The following BRD4 variants were observed in gnomAD, a reference collection of about 807,000 sequenced individuals.
BRD4 encodes the protein bromodomain-containing protein 4.
Under a neutral mutation model 142.1 loss-of-function variants are expected in BRD4, and 16 were observed. The ratio of observed to expected loss-of-function variants is 0.11; its 90% CI spans 0.08 to 0.17. The LOEUF (loss-of-function observed/expected upper bound fraction) is 0.17. Ranked by LOEUF, BRD4 falls within the 10% of genes least tolerant of loss-of-function variation. The probability of loss-of-function intolerance (pLI) is 1.00; values close to 1 mark genes in which losing one functional copy is unlikely to be tolerated. For missense variants in BRD4, 1,424 were observed against 1,810.9 expected, an observed-to-expected ratio of 0.79 and a Z score of 3.88; for synonymous variants, 833 against 707.5, an observed-to-expected ratio of 1.18 and a Z score of -2.82.
rs887402513 is a variant in BRD4 at position 15,264,692 on chromosome 19, C to T, written c.924G>A (p.Ser308=). 4 of 1,613,312 alleles carry T rather than the reference C, an allele frequency of 2.5e-6. No individual in the cohort carries two copies. Among genetic ancestry groups the T allele is most frequent in the African/African-American group, 1.3e-5 (1 of 75,004 alleles). ...TTIDPIHEPP[S]LPPEPKTTKL... ...TGGTGGTCTTGGGCTCCGGGGGCAG[C>T]GAGGGTGGCTCGTGAATGGGGTCAA... Residue 308 remains serine (S), a synonymous_variant, in exon 6 of 20, where the codon TCG becomes TCA. Transcript: ENST00000679869.
At position 15,265,482 on chromosome 19, in the gene BRD4, C is replaced by G; in HGVS notation, c.721G>C (p.Val241Leu). 1 of 1,608,308 alleles carries G rather than the reference C, an allele frequency of 6.2e-7. No homozygotes were observed. The highest frequency in any genetic ancestry group is 2.2e-5 in the East Asian group (1 of 44,806). ...GTCTGCAGTGGCTGGGGAGGCACCA[C>G]TGTCATGACAGGGGTCTGGACGATG... ...DLIVQTPVMT[V>L]VPPQPLQTPP... Residue 241 changes from valine (V) to leucine (L), a missense_variant, in exon 5 of 20, where the codon GTG becomes CTG. This residue lies in a region of BRD4 where 140 missense variants were observed against 131.7 expected (regional missense o/e 1.06). Coordinates refer to ENST00000679869, the MANE Select transcript of BRD4 (RefSeq NM_001379291.1).
In BRD4 at chr19:15,331,537, G is replaced by A. The variant is rs1316166636; in HGVS notation, c.-35+753C>T. Among the ~76,000 whole-genome samples, 5 of 152,330 alleles carry A rather than the reference G, an allele frequency of 3.3e-5. No individual in the cohort carries two copies. The East Asian group carries it at 9.7e-4, about 29-fold the overall frequency. On this transcript the variant is annotated intron_variant, in intron 1 of 19. Coordinates refer to ENST00000679869, the MANE Select transcript of BRD4 (RefSeq NM_001379291.1). Reference sequence around the variant, plus strand: ...AGGCTGAGAGTGGGTGCGTCAAGCGGGCCAAGCTCGCCTCCAGGGCACCGC... The same window carrying A: ...AGGCTGAGAGTGGGTGCGTCAAGCGAGCCAAGCTCGCCTCCAGGGCACCGC...
intron 1 of BRD4, among the ~76,000 whole-genome samples, chr19:15,293,506 T>C (rs2047800088): frequency 6.6e-6 from 1 of 152,096 alleles, no homozygotes; most frequent in Non-Finnish European, 1.5e-5. Flanking sequence ...CAGCCAAAAA[T>C]TTAACCGCCA....
chr19:15,249,101 C>T (rs1204282132), intron 11 of BRD4: 3 of 1,001,410 alleles, frequency 3.0e-6, no homozygotes, highest in Non-Finnish European at 4.4e-6. Flanking sequence ...GAAGGCGGGA[C>T]TAGGCGTGTG....
chr19:15,262,603 G>C (rs1042589638), intron 7 of BRD4, among the ~76,000 whole-genome samples: 11 of 151,216 alleles, frequency 7.3e-5, no homozygotes, highest in African/African-American at 1.9e-4. Context: ...CAAGCCTGTA[G>C]TCCTAGATAC....
intron 7 of BRD4, 63 bp downstream of exon 7, chr19:15,263,357 G>C (rs1012060724): frequency 6.4e-7 from 1 of 1,569,894 alleles, no homozygotes; most frequent in Non-Finnish European, 8.7e-7. Context: ...GCCCACAGAA[G>C]TCTGCTCCCA....
chr19:15,287,364 T>C (rs1205897052), intron 1 of BRD4, among the ~76,000 whole-genome samples: 1 of 152,214 alleles, frequency 6.6e-6, no homozygotes, highest in African/African-American at 2.4e-5. Context: ...ATTAAGTGCA[T>C]TCACGCTACT....
chr19:15,318,506 T>A (rs567895951), intron 1 of BRD4, among the ~76,000 whole-genome samples: 57 of 152,304 alleles, frequency 3.7e-4, no homozygotes, highest in African/African-American at 1.3e-3. Context: ...TCCCTAAACG[T>A]AAGCATGTCA....
chr19:15,243,101 G>A lies in BRD4; in HGVS notation c.2968C>T (p.His990Tyr). Residue 990 changes from histidine to tyrosine, a missense_variant, in exon 14 of 20, where the codon CAT becomes TAT. His to Tyr is a moderately conservative substitution (Grantham distance 83, BLOSUM62 2). This residue lies in a region of BRD4 where 598 missense variants were observed against 647.8 expected (regional missense o/e 0.92). Coordinates refer to ENST00000679869, the MANE Select transcript of BRD4 (RefSeq NM_001379291.1). ...PQPQPPPQQQ[H>Y]QPPPRPVHLQ... ...TGCACGGGCCGTGGAGGGGGCTGAT[G>A]CTGCTGCTGGGGTGGAGGCTGGGGC... 2.0e-6 allele frequency: 3 copies of A among 1,483,578 alleles called. No homozygotes were observed. The highest frequency in any genetic ancestry group is 2.7e-6 in the Non-Finnish European group (3 of 1,118,810). The allele number at this position is 1,483,578 out of a possible 1,614,324, so 91.9% of individuals were successfully genotyped here. A position where few individuals can be genotyped will look rare whatever the true frequency, so the allele number is the denominator to read the frequency against.
At chr19:15,291,033 C>A (rs2047778104) in intron 1 of BRD4, among the ~76,000 whole-genome samples, 1 of 152,054 alleles carries the variant, frequency 6.6e-6, no homozygotes, top group Non-Finnish European at 1.5e-5. Flanking sequence ...CCTGCAAAAC[C>A]CCCAAGTCAA....
At position 15,240,011 on chromosome 19, in the gene BRD4, C is replaced by T. The variant is rs200902225; in HGVS notation, c.3181G>A (p.Glu1061Lys). Residue 1061 changes from glutamate (E) to lysine (K), a missense_variant, in exon 15 of 20, where the codon GAA becomes AAA. This residue lies in a region of BRD4 where 598 missense variants were observed against 647.8 expected (regional missense o/e 0.92). Coordinates refer to ENST00000679869, the MANE Select transcript of BRD4 (RefSeq NM_001379291.1). ...TGTATCATAAGCGGGGAGGGGGCTTCGCGGAGGTGACCTAGGAGAAGGGAC... is the reference window on the plus strand; with the variant it reads ...TGTATCATAAGCGGGGAGGGGGCTTTGCGGAGGTGACCTAGGAGAAGGGAC... Reference protein sequence around the residue: ...SDPYSTGHLREAPSPLMIHSP... With the variant: ...SDPYSTGHLRKAPSPLMIHSP... 8.7e-6 allele frequency: 14 copies of T among 1,611,186 alleles called. No homozygotes were observed. Among genetic ancestry groups the T allele is most frequent in the East Asian group, 2.2e-5 (1 of 44,858 alleles).
chr19:15,285,372 G>GT (rs1307683021), intron 1 of BRD4, among the ~76,000 whole-genome samples: 8 of 152,136 alleles, frequency 5.3e-5, no homozygotes, highest in Non-Finnish European at 1.0e-4. Context: ...TGGCAAAACC[G>GT]TGTCTCTACC....
intron 8 of BRD4, among the ~76,000 whole-genome samples, chr19:15,256,525 C>T (rs538030683): frequency 1.3e-5 from 2 of 152,330 alleles, no homozygotes; most frequent in South Asian, 4.1e-4. Flanking sequence ...ATCAAGCCGA[C>T]AGACACCAAG....
At position 15,237,524 on chromosome 19, in the gene BRD4, G is replaced by A. The variant is rs1568375009; in HGVS notation, c.*853C>T. ...CGCGGTGGCAGCCGCTGCTCAATGA[G>A]GAGACGATCACACCATTTCGGAGAT... is the stretch of plus-strand genomic sequence containing the variant. On this transcript the variant is annotated 3_prime_UTR_variant, in exon 20 of 20. Coordinates refer to ENST00000679869, the MANE Select transcript of BRD4 (RefSeq NM_001379291.1). The A allele has an allele frequency of 8.8e-6, 2 of 226,114 alleles. No homozygotes were observed. The highest frequency in any genetic ancestry group is 2.2e-5 in the African/African-American group (1 of 44,736). 14.0% of individuals were successfully genotyped at this position (226,114 alleles called of 1,614,324 possible).
In BRD4 at chr19:15,237,724, T is replaced by G. The variant is rs199828251; in HGVS notation, c.*653A>C. 4.3e-6 allele frequency: 1 copy of G among 232,338 alleles called. No homozygotes were observed. Among genetic ancestry groups the G allele is most frequent in the Non-Finnish European group, 8.5e-6 (1 of 117,726 alleles). The allele number at this position is 232,338 out of a possible 1,614,324, so 14.4% of individuals were successfully genotyped here. ...GCCGAGGGCTACCCACGCAGGACAG[T>G]CGCCTCGCTCCGGATGCCATGGACA... On this transcript the variant is annotated 3_prime_UTR_variant, in exon 20 of 20. Transcript: ENST00000679869.
At chr19:15,279,663 A>G (rs925015668) in intron 1 of BRD4, among the ~76,000 whole-genome samples, 5 of 152,212 alleles carry the variant, frequency 3.3e-5, no homozygotes, top group African/African-American at 1.2e-4. Flanking sequence ...TGGGACTCTA[A>G]AGGCAAGCCA....
In BRD4 at chr19:15,296,536, G is replaced by A. The variant is rs118064350; in HGVS notation, c.-34-23403C>T. Among the ~76,000 whole-genome samples the A allele has an allele frequency of 4.9e-3, 751 of 152,286 alleles. 14 individuals carry two copies. Among genetic ancestry groups the A allele is most frequent in the South Asian group, 0.02 (97 of 4,828 alleles). On this transcript the variant is annotated intron_variant, in intron 1 of 19. Transcript: ENST00000679869. ...CAGCCACACAAGGCCCAAAGCCTGA[G>A]GCAGAGGCTAGCACATGATGTCCGC...
chr19:15,275,561 C>T (rs1005848335), intron 1 of BRD4: 1 of 152,240 alleles, frequency 6.6e-6, no homozygotes, highest in African/African-American at 2.4e-5. Context: ...AGTGGCCATC[C>T]TTAACACACA....
rs201053103 is a variant in BRD4, at chr19:15,237,983, C to T, written c.*394G>A. Reference sequence around the variant, plus strand: ...AAGACTCCCGGCGGGCAGGACATCACGAACGTCACGTTCTTGGGGACAGAA... The same window carrying T: ...AAGACTCCCGGCGGGCAGGACATCATGAACGTCACGTTCTTGGGGACAGAA... On this transcript the variant is annotated 3_prime_UTR_variant, in exon 20 of 20. Coordinates refer to ENST00000679869, the MANE Select transcript of BRD4 (RefSeq NM_001379291.1). 2.9e-5 allele frequency: 7 copies of T among 245,534 alleles called. No homozygotes were observed. Among genetic ancestry groups the T allele is most frequent in the Non-Finnish European group, 4.0e-5 (5 of 126,342 alleles). 15.2% of individuals were successfully genotyped at this position (245,534 alleles called of 1,614,324 possible).
Sources: gnomAD v4.1 joint callset for allele counts (sites outside exome capture counted in the v4.1 genomes callset) on GRCh38, gnomAD v4.1.1 for gene constraint, gnomAD v4.1.1 regional missense constraint, MANE v1.5 for transcripts, NCBI Gene and HGNC (gene_info 2026-07-23, HGNC 2026-07-21) for gene names.